PDIA5: variants seen among roughly 807,000 people sequenced by gnomAD.
The protein encoded by PDIA5 is protein disulfide-isomerase A5.
In PDIA5, 58 loss-of-function variants were observed where a neutral mutation model predicts 77.6. That is an observed-to-expected ratio of 0.75 (90% CI 0.61 to 0.93). The LOEUF is 0.93. Among genes scored for constraint, PDIA5 ranks in the 40% least tolerant of loss-of-function variants. The pLI is 0.00. For synonymous variants in PDIA5, 250 were observed against 252.1 expected, an observed-to-expected ratio of 0.99 and a Z score of 0.08; for missense variants, 630 against 647.7, an observed-to-expected ratio of 0.97 and a Z score of 0.30.
intron 1 of PDIA5, among the ~76,000 whole-genome samples, chr3:123,077,670 G>A (rs569195929): frequency 5.5e-4 from 83 of 152,110 alleles, no homozygotes; most frequent in African/African-American, 1.9e-3. Flanking sequence ...GGGAAACATC[G>A]GTAGTGAGAT....
chr3:123,101,006 T>A (rs1286861143), intron 3 of PDIA5, among the ~76,000 whole-genome samples: 15 of 152,142 alleles, frequency 9.9e-5, no homozygotes, highest in Admixed American at 6.5e-5. Context: ...TACTGAGTCC[T>A]TTCAGGGCTG....
At chr3:123,076,670 A>G (rs912004045) in intron 1 of PDIA5, among the ~76,000 whole-genome samples, 17 of 152,190 alleles carry the variant, frequency 1.1e-4, no homozygotes, top group African/African-American at 4.1e-4. Context: ...TTATCAGTTA[A>G]CGGAGCTTGG....
In PDIA5 at chr3:123,102,460, C is replaced by T; in HGVS notation, c.307C>T (p.Pro103Ser). Residue 103 changes from proline (P) to serine (S), a missense_variant, in exon 4 of 17, where the codon CCG (proline) becomes TCG (serine). Coordinates refer to ENST00000316218, the MANE Select transcript of PDIA5 (RefSeq NM_006810.4). ...LCKKMKVDLS[P>S]KDKKVELFHY... ...CAAGAAGATGAAAGTTGACCTGAGC[C>T]CGAAGGACAAAAAGGTTGAATTATT... 1 of 1,613,926 alleles carries T rather than the reference C, an allele frequency of 6.2e-7. No individual in the cohort carries two copies. Among genetic ancestry groups the T allele is most frequent in the Non-Finnish European group, 8.5e-7 (1 of 1,179,842 alleles).
Position 123,102,404 on chromosome 3 carries a change from C to A in PDIA5, c.258-7C>A. 6.2e-7 allele frequency: 1 copy of A among 1,610,494 alleles called. No individual in the cohort carries two copies. Among genetic ancestry groups the A allele is most frequent in the East Asian group, 2.2e-5 (1 of 44,864 alleles). On this transcript the variant is annotated splice_polypyrimidine_tract_variant and splice_region_variant and intron_variant, in intron 3 of 16. Coordinates refer to ENST00000316218, the MANE Select transcript of PDIA5 (RefSeq NM_006810.4). ...AATAAATGGTTCCCAACATTTGTGTCTTCCAGTGATGCAGAGAGTAGAAAA... is the reference window on the plus strand; with the variant it reads ...AATAAATGGTTCCCAACATTTGTGTATTCCAGTGATGCAGAGAGTAGAAAA...
At chr3:123,130,720 T>C (rs1651922129) in intron 11 of PDIA5, 104 bp downstream of exon 11, 1 of 1,327,968 alleles carries the variant, frequency 7.5e-7, no homozygotes, top group East Asian at 2.3e-5. Flanking sequence ...ATTTTTTGGA[T>C]GCCAGGACCC....
intron 6 of PDIA5, 26 bp from the exon 7 acceptor site, chr3:123,110,918 G>GCTGGTA: frequency 3.8e-6 from 6 of 1,596,856 alleles, no homozygotes; most frequent in Non-Finnish European, 5.2e-6. Flanking sequence ...TGTGCGAGCT[G>GCTGGTA]CTGGTATTCT....
chr3:123,146,101 C>T lies in PDIA5; in HGVS notation c.984C>T (p.Ser328=). The T allele has an allele frequency of 1.2e-6, 2 of 1,614,098 alleles. No individual in the cohort carries two copies. The highest frequency in any genetic ancestry group is 1.7e-6 in the Non-Finnish European group (2 of 1,179,934). The change falls in exon 13 of 17, where the codon AGC becomes AGT. Residue 328 remains serine (S), a splice_region_variant and synonymous_variant. Coordinates refer to ENST00000316218, the MANE Select transcript of PDIA5 (RefSeq NM_006810.4). ...AAEALHGEAD[S]SGVLAAVDAT... is the part of the protein sequence containing the mutation. ...GGTTGGCCTTTCCCCCATCCCAGAG[C>T]TCTGGTGTCCTTGCAGCTGTCGATG...
chr3:123,136,934 T>C (rs1249577852), intron 11 of PDIA5, among the ~76,000 whole-genome samples: 1 of 152,208 alleles, frequency 6.6e-6, no homozygotes, highest in Admixed American at 6.5e-5. Context: ...AATTTGGATA[T>C]GCCAGAAATT....
At chr3:123,090,063 C>T (rs920797839) in intron 2 of PDIA5, among the ~76,000 whole-genome samples, 4 of 152,220 alleles carry the variant, frequency 2.6e-5, no homozygotes, top group Admixed American at 6.5e-5. Context: ...TGGCCAGTTC[C>T]GGGCAAAGTT....
At chr3:123,071,154 TCTG>T (rs1322600756) in intron 1 of PDIA5, among the ~76,000 whole-genome samples, 1 of 152,148 alleles carries the variant, frequency 6.6e-6, no homozygotes, top group Admixed American at 6.5e-5. Flanking sequence ...ATATATATAT[TCTG>T]CTGATCTGTG....
rs188073206 is a variant in PDIA5 at position 123,142,431 on chromosome 3, G to C, written c.911-3091G>C. Among the ~76,000 whole-genome samples, 24 of 152,338 alleles carry C rather than the reference G, an allele frequency of 1.6e-4. No homozygotes were observed. The East Asian group carries it at 4.4e-3, about 28-fold the overall frequency. ...ATTATTTAGGTAACACATGGCTCATGATGATGCTAAATGTTCATTTCTGGA... is the reference window on the plus strand; with the variant it reads ...ATTATTTAGGTAACACATGGCTCATCATGATGCTAAATGTTCATTTCTGGA... On this transcript the variant is annotated intron_variant, in intron 11 of 16. Transcript: ENST00000316218.
intron 11 of PDIA5, among the ~76,000 whole-genome samples, chr3:123,133,290 G>A (rs1025049006): frequency 3.3e-5 from 5 of 152,224 alleles, no homozygotes; most frequent in African/African-American, 9.7e-5. Context: ...CGTTTCCTAA[G>A]TGCAGAAAGG....
chr3:123,122,481 G>A (rs2107955778), intron 8 of PDIA5, among the ~76,000 whole-genome samples: 1 of 152,256 alleles, frequency 6.6e-6, no homozygotes, highest in African/African-American at 2.4e-5. Flanking sequence ...CATTTATTGT[G>A]TCCTTGCTGT....
chr3:123,145,021 G>A (rs984943822), intron 11 of PDIA5: 8 of 153,252 alleles, frequency 5.2e-5, no homozygotes, highest in African/African-American at 1.2e-4. Flanking sequence ...CCCAGCTCAA[G>A]GCCTCAGACT....
chr3:123,123,916 C>T (rs1935177416), intron 8 of PDIA5, 150 bp from the exon 9 acceptor site: 1 of 625,564 alleles, frequency 1.6e-6, no homozygotes, highest in Admixed American at 2.7e-5. Flanking sequence ...CTTCGCTGGC[C>T]TTGTTTCTCA....
intron 16 of PDIA5, 123 bp from the exon 17 acceptor site, chr3:123,161,757 T>G: frequency 1.3e-6 from 1 of 742,498 alleles, no homozygotes; most frequent in Non-Finnish European, 2.3e-6. Context: ...TGCAGAAGTC[T>G]GCCCACCTCT....
intron 14 of PDIA5, among the ~76,000 whole-genome samples, chr3:123,151,762 G>T (rs1218924027): frequency 2.3e-4 from 28 of 121,210 alleles, no homozygotes; most frequent in African/African-American, 3.8e-4. Flanking sequence ...CTGCCTGCCT[G>T]CCTGCCTGCC....
intron 8 of PDIA5, 85 bp from the exon 9 acceptor site, chr3:123,123,981 G>A: frequency 1.2e-6 from 1 of 849,624 alleles, no homozygotes; most frequent in Non-Finnish European, 2.0e-6. Flanking sequence ...CTTTCTGGTG[G>A]GACAGCAGCT....
chr3:123,149,992 G>A (rs1234185258), intron 13 of PDIA5, among the ~76,000 whole-genome samples: 1 of 152,206 alleles, frequency 6.6e-6, no homozygotes, highest in Admixed American at 6.5e-5. Flanking sequence ...ATGGTGTCAA[G>A]TCTTCCATAT....
Sources: gnomAD v4.1 joint callset for allele counts (sites outside exome capture counted in the v4.1 genomes callset) on GRCh38, gnomAD v4.1.1 for gene constraint, MANE v1.5 for transcripts, NCBI Gene and HGNC (gene_info 2026-07-23, HGNC 2026-07-21) for gene names.